The following STAU2 variants were observed in gnomAD, a reference collection of about 807,000 sequenced individuals.
STAU2 encodes staufen double-stranded RNA binding protein 2, also known as double-stranded RNA-binding protein Staufen homolog 2.
STAU2 carries 20 observed loss-of-function variants against 65.9 expected under a neutral mutation model. That is an observed-to-expected ratio of 0.30 (90% CI 0.21 to 0.44). The LOEUF is 0.44. STAU2 is among the 20% of genes least tolerant of loss of function. The pLI is 1.00. For synonymous variants in STAU2, 232 were observed against 233.9 expected, an observed-to-expected ratio of 0.99 and a Z score of 0.07; for missense variants, 558 against 683.9, an observed-to-expected ratio of 0.82 and a Z score of 2.05.
chr8:73,464,357 C>T (rs973188649), intron 13 of STAU2, among the ~76,000 whole-genome samples: 1 of 152,154 alleles, frequency 6.6e-6, no homozygotes, highest in Non-Finnish European at 1.5e-5. Flanking sequence ...AGGGTGACAC[C>T]TATTCTCTAT....
At chr8:73,563,269 G>C (rs1286592648) in intron 12 of STAU2, among the ~76,000 whole-genome samples, 1 of 152,170 alleles carries the variant, frequency 6.6e-6, no homozygotes, top group Non-Finnish European at 1.5e-5. Flanking sequence ...TGTCAGTGGA[G>C]ATCATGTAGG....
chr8:73,650,200 A>G (rs1815754104), intron 6 of STAU2, among the ~76,000 whole-genome samples: 1 of 152,004 alleles, frequency 6.6e-6, no homozygotes, highest in African/African-American at 2.4e-5. Context: ...TTGATTCTCT[A>G]TGAGAGCATA....
chr8:73,567,090 T>C (rs905427345), intron 12 of STAU2, among the ~76,000 whole-genome samples: 3 of 152,194 alleles, frequency 2.0e-5, no homozygotes, highest in Non-Finnish European at 4.4e-5. Flanking sequence ...AATTGTTATA[T>C]GTTATAAACT....
chr8:73,680,078 T>C lies in STAU2; in HGVS notation c.275-6836A>G, dbSNP rs1020219170. Among the ~76,000 whole-genome samples the C allele has an allele frequency of 2.4e-5, 3 of 124,498 alleles. No homozygotes were observed. The East Asian group carries it at 7.4e-4, about 31-fold the overall frequency. 81.7% of individuals were successfully genotyped at this position (124,498 alleles called of 152,430 possible). A position where few individuals can be genotyped will look rare whatever the true frequency, so the allele number is the denominator to read the frequency against. On this transcript the variant is annotated intron_variant, in intron 5 of 14. Transcript: ENST00000524300. Reference sequence around the variant, plus strand: ...GAAGTACCACAGTGAGAAAGACTTCTAGCTGAACGCTGTCATAATTTTGAC... The same window carrying C: ...GAAGTACCACAGTGAGAAAGACTTCCAGCTGAACGCTGTCATAATTTTGAC...
At chr8:73,452,364 C>T (rs770420097) in intron 13 of STAU2, among the ~76,000 whole-genome samples, 4 of 152,190 alleles carry the variant, frequency 2.6e-5, no homozygotes, top group African/African-American at 7.2e-5. Flanking sequence ...TTGCAAACCT[C>T]GCCTGGGCCC....
intron 13 of STAU2, among the ~76,000 whole-genome samples, chr8:73,504,599 T>G (rs1453476584): frequency 2.0e-5 from 3 of 151,988 alleles, no homozygotes; most frequent in Non-Finnish European, 4.4e-5. Context: ...AGCTGTTAGG[T>G]CTCTCTCTGG....
intron 4 of STAU2, among the ~76,000 whole-genome samples, chr8:73,692,580 CCT>C (rs1388806740): frequency 6.6e-6 from 1 of 152,104 alleles, no homozygotes; most frequent in Non-Finnish European, 1.5e-5. Flanking sequence ...TATGTGTTCC[CCT>C]GAGTCTTGTG....
rs987779012 is a variant in STAU2 at position 73,741,966 on chromosome 8, A to G, written c.-196-2098T>C. ...GTAGAAATTAAAACACATGAAACTA[A>G]TGTCTATAACAGCACTCTGTAATTG... On this transcript the variant is annotated intron_variant, in intron 1 of 14. Coordinates refer to ENST00000524300, the MANE Select transcript of STAU2 (RefSeq NM_001164380.2). Among the ~76,000 whole-genome samples, 8 of 152,228 alleles carry G rather than the reference A, an allele frequency of 5.3e-5. 1 individual carries two copies. The highest frequency in any genetic ancestry group is 1.9e-4 in the African/African-American group (8 of 41,462).
At chr8:73,585,300 G>A (rs1810283278) in intron 11 of STAU2, among the ~76,000 whole-genome samples, 2 of 152,288 alleles carry the variant, frequency 1.3e-5, no homozygotes, top group South Asian at 2.1e-4. Flanking sequence ...GACCAACATG[G>A]AGAAACCCCG....
At chr8:73,527,943 G>T in intron 13 of STAU2, 2 of 484,788 alleles carry the variant, frequency 4.1e-6, no homozygotes, top group Non-Finnish European at 7.4e-6. Context: ...CCAATATCTG[G>T]GACTTGAATT....
At chr8:73,746,889 C>G, upstream of STAU2, 5 of 1,024,098 alleles carry the variant, frequency 4.9e-6, no homozygotes, top group Non-Finnish European at 4.8e-6. Flanking sequence ...TCCCCGCCCC[C>G]CGCCTCCGCC....
chr8:73,593,437 G>A (rs942734997), intron 11 of STAU2, among the ~76,000 whole-genome samples: 2 of 152,144 alleles, frequency 1.3e-5, no homozygotes, highest in Non-Finnish European at 2.9e-5. Context: ...AGAACGATCA[G>A]CTCCTTGAGT....
intron 13 of STAU2, among the ~76,000 whole-genome samples, chr8:73,497,990 C>T (rs11993228): frequency 2.0e-5 from 3 of 151,702 alleles, no homozygotes; most frequent in African/African-American, 4.8e-5. Context: ...CTTATGTACA[C>T]GTGGCAACAT....
chr8:73,564,668 TA>T (rs769185719), intron 12 of STAU2, among the ~76,000 whole-genome samples: 4 of 147,728 alleles, frequency 2.7e-5, no homozygotes, highest in South Asian at 2.1e-4. Context: ...AAATGAAAGT[TA>T]AAAAAAAAAG....
At chr8:73,439,143 C>T in intron 13 of STAU2, 2 of 425,628 alleles carry the variant, frequency 4.7e-6, no homozygotes, top group Middle Eastern at 6.9e-4. Context: ...GGGAGAAAAT[C>T]ACTAAGTGTA....
Position 73,738,154 on chromosome 8 carries a change from C to A in STAU2, c.-18+130G>T, listed in dbSNP as rs142509572. 393 of 800,750 alleles carry A rather than the reference C, an allele frequency of 4.9e-4. No homozygotes were observed. In the African/African-American group the frequency reaches 6.1e-3, roughly 12 times the overall value. 49.6% of individuals were successfully genotyped at this position (800,750 alleles called of 1,614,324 possible). Reference sequence around the variant, plus strand: ...TACACAGCCTCCAATGATGACTATACAGTAGGTAACTGCTTTAAAAAGTGA... The same window carrying A: ...TACACAGCCTCCAATGATGACTATAAAGTAGGTAACTGCTTTAAAAAGTGA... On this transcript the variant is annotated intron_variant, in intron 3 of 14. Coordinates refer to ENST00000524300, the MANE Select transcript of STAU2 (RefSeq NM_001164380.2).
At chr8:73,432,560 C>A (rs1389747165) in intron 13 of STAU2, among the ~76,000 whole-genome samples, 1 of 151,872 alleles carries the variant, frequency 6.6e-6, no homozygotes, top group Non-Finnish European at 1.5e-5. Flanking sequence ...TAAGAGAAAC[C>A]AAAAAGACAT....
rs552591473 is a variant in STAU2, at chr8:73,628,509, C to T, written c.411-11058G>A. Among the ~76,000 whole-genome samples the T allele has an allele frequency of 2.9e-3, 435 of 152,120 alleles. 2 individuals carry two copies. The highest frequency in any genetic ancestry group is 0.017 in the Middle Eastern group (5 of 294). On this transcript the variant is annotated intron_variant, in intron 6 of 14. Coordinates refer to ENST00000524300, the MANE Select transcript of STAU2 (RefSeq NM_001164380.2). Reference sequence around the variant, plus strand: ...TAAGAATATTCCTATTATTTAATTCCAGCAGCAGATATCATCTTTGGTTAA... The same window carrying T: ...TAAGAATATTCCTATTATTTAATTCTAGCAGCAGATATCATCTTTGGTTAA...
intron 12 of STAU2, among the ~76,000 whole-genome samples, chr8:73,578,939 TA>T (rs1269244811): frequency 2.6e-5 from 4 of 152,204 alleles, no homozygotes. Flanking sequence ...TCTGTCACCT[TA>T]AAAGTCCAAC....
Sources: gnomAD v4.1 joint callset for allele counts (sites outside exome capture counted in the v4.1 genomes callset) on GRCh38, gnomAD v4.1.1 for gene constraint, MANE v1.5 for transcripts, NCBI Gene and HGNC (gene_info 2026-07-23, HGNC 2026-07-21) for gene names.